Variants in SLC25A25 observed in about 807,000 individuals in gnomAD.
The protein encoded by SLC25A25 is mitochondrial adenyl nucleotide antiporter SLC25A25.
Under a neutral mutation model 57.7 loss-of-function variants are expected in SLC25A25, and 32 were observed. The observed-to-expected ratio is 0.55, with a 90% CI of 0.42 to 0.74. The LOEUF is 0.74. Among genes scored for constraint, SLC25A25 ranks in the 30% least tolerant of loss-of-function variants. The pLI is 0.00. For synonymous variants in SLC25A25, 306 were observed against 291.2 expected (o/e 1.05, Z -0.52); for missense variants, 556 against 701.3 (o/e 0.79, Z 2.34).
chr9:128,089,699 G>A (rs1833354993), intron 1 of SLC25A25, among the ~76,000 whole-genome samples: 2 of 148,940 alleles, frequency 1.3e-5, no homozygotes, highest in Admixed American at 1.3e-4. Context: ...GTGGCACGAT[G>A]ATGGCTCACT....
intron 1 of SLC25A25, chr9:128,091,996 A>T: frequency 6.2e-7 from 1 of 1,614,002 alleles, no homozygotes. Context: ...ACCAGATGGC[A>T]AGCTTTTTGG....
chr9:128,087,242 G>A (rs1183000072), intron 1 of SLC25A25, among the ~76,000 whole-genome samples: 2 of 152,022 alleles, frequency 1.3e-5, no homozygotes, highest in Non-Finnish European at 2.9e-5. Flanking sequence ...CCGGCCCCCA[G>A]TCATTCTTTT....
At chr9:128,076,117 G>T (rs1239397789) in intron 1 of SLC25A25, among the ~76,000 whole-genome samples, 1 of 151,906 alleles carries the variant, frequency 6.6e-6, no homozygotes, top group Non-Finnish European at 1.5e-5. Flanking sequence ...ACATGTGCCT[G>T]GCAGCCAACT....
At chr9:128,074,210 T>C (rs932536409) in intron 1 of SLC25A25, among the ~76,000 whole-genome samples, 3 of 151,776 alleles carry the variant, frequency 2.0e-5, no homozygotes, top group African/African-American at 7.3e-5. Context: ...AGGCTAACTT[T>C]TTTGTATTTT....
At chr9:128,074,095 G>A (rs144666007) in intron 1 of SLC25A25, among the ~76,000 whole-genome samples, 52 of 151,364 alleles carry the variant, frequency 3.4e-4, no homozygotes, top group African/African-American at 8.2e-4. Context: ...GCTGGAGTGC[G>A]GTGGTGCAAT....
chr9:128,091,988 C>T (rs1833421844), intron 1 of SLC25A25: 1 of 1,613,944 alleles, frequency 6.2e-7, no homozygotes. Context: ...CTGGAGAGAC[C>T]AGATGGCAAG....
chr9:128,098,603 G>T (rs1423787618), intron 1 of SLC25A25: 1 of 1,614,040 alleles, frequency 6.2e-7, no homozygotes, highest in South Asian at 1.1e-5. Context: ...GGTCATCGGG[G>T]AAGCCCAGAC....
chr9:128,107,417 G>C lies in SLC25A25; in HGVS notation c.1521G>C (p.Lys507Asn). The change falls in exon 11 of 11, where the codon AAG becomes AAC. Residue 507 changes from lysine (K) to asparagine (N), a missense_variant. By Grantham distance (94) the Lys-to-Asn change is moderately conservative. Transcript: ENST00000373069. ...SISYVVYENL[K>N]ITLGVQSR ...GCTACGTGGTCTACGAGAACCTGAAGATCACCCTGGGCGTGCAGTCGCGGT... is the reference window on the plus strand; with the variant it reads ...GCTACGTGGTCTACGAGAACCTGAACATCACCCTGGGCGTGCAGTCGCGGT... The C allele has an allele frequency of 6.6e-7, 1 of 1,508,512 alleles. No homozygotes were observed. The highest frequency in any genetic ancestry group is 8.9e-7 in the Non-Finnish European group (1 of 1,127,690). 93.4% of individuals were successfully genotyped at this position (1,508,512 alleles called of 1,614,324 possible).
chr9:128,092,815 AAG>A (rs1833448586), intron 1 of SLC25A25, among the ~76,000 whole-genome samples: 1 of 152,152 alleles, frequency 6.6e-6, no homozygotes, highest in Non-Finnish European at 1.5e-5. Flanking sequence ...TAAACAACTA[AAG>A]AGAGGTGGAG....
At chr9:128,086,664 C>T (rs1404930382) in intron 1 of SLC25A25, among the ~76,000 whole-genome samples, 1 of 151,706 alleles carries the variant, frequency 6.6e-6, no homozygotes, top group Non-Finnish European at 1.5e-5. Context: ...TTTCTAGAGA[C>T]AGGGTCTTAC....
At chr9:128,088,132 CT>C (rs1250102452) in intron 1 of SLC25A25, among the ~76,000 whole-genome samples, 17 of 152,126 alleles carry the variant, frequency 1.1e-4, no homozygotes, top group Non-Finnish European at 2.1e-4. Flanking sequence ...TATTCTTGAG[CT>C]TTATCTTGGA....
intron 1 of SLC25A25, among the ~76,000 whole-genome samples, chr9:128,072,061 T>G (rs76184207): frequency 1.3e-3 from 205 of 152,322 alleles, no homozygotes; most frequent in African/African-American, 4.5e-3. Context: ...CAAATTCAGT[T>G]GTTATACAGC....
intron 1 of SLC25A25, among the ~76,000 whole-genome samples, chr9:128,080,004 C>T (rs1452543264): frequency 1.3e-5 from 2 of 149,636 alleles, no homozygotes; most frequent in Non-Finnish European, 3.0e-5. Flanking sequence ...AAAAAATTAG[C>T]TGGTCCTGGT....
intron 1 of SLC25A25, among the ~76,000 whole-genome samples, chr9:128,077,735 T>C (rs1259377900): frequency 6.6e-6 from 1 of 151,818 alleles, no homozygotes; most frequent in Non-Finnish European, 1.5e-5. Flanking sequence ...CACATATCCG[T>C]GAAGATACTG....
intron 1 of SLC25A25, among the ~76,000 whole-genome samples, chr9:128,084,930 T>C (rs10739708): frequency 0.74 from 113,016 of 152,100 alleles, 43,812 homozygotes; most frequent in Non-Finnish European, 0.85. Flanking sequence ...CAGTCTATCC[T>C]TGGATATGGG....
intron 1 of SLC25A25, among the ~76,000 whole-genome samples, chr9:128,078,042 G>A (rs1434355676): frequency 1.3e-5 from 2 of 151,804 alleles, no homozygotes; most frequent in African/African-American, 4.8e-5. Context: ...AAAAAAAAGG[G>A]TGATTTGTAT....
chr9:128,078,372 TC>T (rs1833064120), intron 1 of SLC25A25, among the ~76,000 whole-genome samples: 1 of 140,806 alleles, frequency 7.1e-6, no homozygotes, highest in African/African-American at 2.5e-5. Flanking sequence ...CCTGGGGACA[TC>T]AGCATTAAAG....
At position 128,068,375 on chromosome 9, in the gene SLC25A25, C is replaced by A; in HGVS notation, c.56C>A (p.Ala19Asp). Reference protein sequence around the residue: ...CVASPPPDAAATAASSSASSP... With the variant: ...CVASPPPDAADTAASSSASSP... ...GCCTCCCCGCCGCCGGACGCCGCCG[C>A]CACCGCCGCCTCTTCGTCTGCCTCA... Residue 19 changes from alanine to aspartate, a missense_variant, in exon 1 of 11, where the codon GCC (alanine) becomes GAC (aspartate). By Grantham distance (126) the Ala-to-Asp change is moderately radical (BLOSUM62 -2). Around this residue, in one of 3 missense-constraint regions of SLC25A25, gnomAD observed 248 missense variants for 273.5 expected, o/e 0.91. Transcript: ENST00000373069. 6.5e-7 allele frequency: 1 copy of A among 1,548,078 alleles called. No individual in the cohort carries two copies. Among genetic ancestry groups the A allele is most frequent in the South Asian group, 1.2e-5 (1 of 85,778 alleles).
intron 1 of SLC25A25, among the ~76,000 whole-genome samples, chr9:128,089,857 A>G (rs572622752): frequency 1.3e-5 from 2 of 151,328 alleles, no homozygotes; most frequent in East Asian, 3.9e-4. Context: ...CTGGTCTCAG[A>G]CTCGTCGGCT....
Sources: gnomAD v4.1 joint callset for allele counts (sites outside exome capture counted in the v4.1 genomes callset) on GRCh38, gnomAD v4.1.1 for gene constraint, gnomAD v4.1.1 regional missense constraint, MANE v1.5 for transcripts, NCBI Gene and HGNC (gene_info 2026-07-23, HGNC 2026-07-21) for gene names.